The following LPP variants were observed in gnomAD, a reference collection of about 807,000 sequenced individuals.
LPP encodes LIM domain containing preferred translocation partner in lipoma, also known as lipoma-preferred partner.
In LPP, 38 loss-of-function variants were observed where a neutral mutation model predicts 60.4. The observed-to-expected ratio is 0.63, with a 90% CI of 0.49 to 0.83. The LOEUF (loss-of-function observed/expected upper bound fraction) is 0.83, where lower values mean the gene tolerates loss of function less well. Among genes scored for constraint, LPP ranks in the 40% least tolerant of loss-of-function variants. The pLI, the probability that LPP is intolerant of heterozygous loss-of-function variation, is 0.00. For synonymous variants in LPP, 328 were observed against 290.8 expected, an observed-to-expected ratio of 1.13 and a Z score of -1.30; for missense variants, 902 against 783.6, an observed-to-expected ratio of 1.15 and a Z score of -1.80.
intron 1 of LPP, among the ~76,000 whole-genome samples, chr3:188,171,773 A>G (rs1429672848): frequency 1.3e-5 from 2 of 152,202 alleles, no homozygotes; most frequent in African/African-American, 4.8e-5. Context: ...GCAATGCACT[A>G]CTAGGTTCTC....
intron 4 of LPP, among the ~76,000 whole-genome samples, chr3:188,420,644 T>A (rs1176084906): frequency 1.3e-5 from 2 of 152,142 alleles, no homozygotes; most frequent in South Asian, 2.1e-4. Context: ...CACAACACCA[T>A]CAGACCCTCG....
At chr3:188,666,210 T>G (rs188242673) in intron 7 of LPP, among the ~76,000 whole-genome samples, 48 of 152,348 alleles carry the variant, frequency 3.2e-4, no homozygotes, top group African/African-American at 1.2e-3. Context: ...TTTTACAAAT[T>G]AACAAGCAAA....
At chr3:188,823,839 G>A (rs1041139837) in intron 9 of LPP, among the ~76,000 whole-genome samples, 76 of 152,018 alleles carry the variant, frequency 5.0e-4, no homozygotes, top group African/African-American at 1.8e-3. Flanking sequence ...TGCCAATTCT[G>A]TTGTTAGTCA....
intron 4 of LPP, among the ~76,000 whole-genome samples, chr3:188,484,250 C>A (rs960719316): frequency 6.6e-6 from 1 of 151,990 alleles, no homozygotes; most frequent in Non-Finnish European, 1.5e-5. Context: ...ATTTTTCTTC[C>A]TCCTCTATTT....
At chr3:188,815,603 A>C (rs987549648) in intron 9 of LPP, among the ~76,000 whole-genome samples, 2 of 152,024 alleles carry the variant, frequency 1.3e-5, no homozygotes, top group Non-Finnish European at 2.9e-5. Context: ...GAACTCCACA[A>C]TGGATTTGTT....
intron 1 of LPP, among the ~76,000 whole-genome samples, chr3:188,219,737 G>A (rs970371869): frequency 1.1e-4 from 16 of 152,278 alleles, no homozygotes; most frequent in African/African-American, 3.9e-4. Context: ...GGTCCTTGAT[G>A]CTCCTGCTTA....
At chr3:188,170,149 T>A (rs530880982) in intron 1 of LPP, among the ~76,000 whole-genome samples, 42 of 152,306 alleles carry the variant, frequency 2.8e-4, no homozygotes, top group African/African-American at 1.0e-3. Context: ...GGCAATGAAT[T>A]TTTTGGCGCA....
chr3:188,455,967 A>C lies in LPP; in HGVS notation c.194-28625A>C, dbSNP rs976851806. On this transcript the variant is annotated intron_variant, in intron 4 of 11. Coordinates refer to ENST00000617246, the MANE Select transcript of LPP (RefSeq NM_001375462.1). ...GAGTGCACTAGTGCAGTCATAGCTTACTGCACGCTCAAACTCCTGATCTTA... is the reference window on the plus strand; with the variant it reads ...GAGTGCACTAGTGCAGTCATAGCTTCCTGCACGCTCAAACTCCTGATCTTA... Among the ~76,000 whole-genome samples, 3 of 152,210 alleles carry C rather than the reference A, an allele frequency of 2.0e-5. No homozygotes were observed. The East Asian group carries it at 5.8e-4, about 29-fold the overall frequency.
At chr3:188,164,354 G>T (rs749170026) in intron 1 of LPP, among the ~76,000 whole-genome samples, 1 of 152,164 alleles carries the variant, frequency 6.6e-6, no homozygotes, top group South Asian at 2.1e-4. Flanking sequence ...AGCTGTAACC[G>T]TGGAAGCCTA....
intron 4 of LPP, among the ~76,000 whole-genome samples, chr3:188,448,351 G>A (rs183653954): frequency 0.15 from 1,081 of 7,410 alleles, 34 homozygotes; most frequent in Admixed American, 0.39. Context: ...TCGTGCAAAA[G>A]CTAACACATA....
chr3:188,811,893 A>G (rs912362779), intron 9 of LPP, among the ~76,000 whole-genome samples: 1 of 152,172 alleles, frequency 6.6e-6, no homozygotes, highest in African/African-American at 2.4e-5. Context: ...GGTACATAAG[A>G]TGTTTTGATA....
At chr3:188,161,328 G>A (rs951554630) in intron 1 of LPP, among the ~76,000 whole-genome samples, 1 of 152,300 alleles carries the variant, frequency 6.6e-6, no homozygotes, top group East Asian at 1.9e-4. Flanking sequence ...GGCCTGTATC[G>A]GGTCAGCAGC....
At chr3:188,347,591 C>T (rs141751441) in intron 3 of LPP, among the ~76,000 whole-genome samples, 6 of 152,218 alleles carry the variant, frequency 3.9e-5, no homozygotes, top group South Asian at 4.2e-4. Context: ...CCCCTCCTCC[C>T]GGCCTACCCC....
chr3:188,162,322 AGAGT>A (rs1258497178), intron 1 of LPP, among the ~76,000 whole-genome samples: 3 of 152,362 alleles, frequency 2.0e-5, no homozygotes, highest in Middle Eastern at 3.4e-3. Context: ...CTTAAGTGGC[AGAGT>A]GAGAATCAAA....
At chr3:188,734,869 G>T (rs573802969) in intron 8 of LPP, among the ~76,000 whole-genome samples, 6 of 152,306 alleles carry the variant, frequency 3.9e-5, no homozygotes, top group East Asian at 1.9e-4. Flanking sequence ...ATGGTCAAGA[G>T]CCTGAGGGTA....
At chr3:188,628,755 C>T (rs865892196) in intron 7 of LPP, among the ~76,000 whole-genome samples, 4 of 152,042 alleles carry the variant, frequency 2.6e-5, no homozygotes, top group Non-Finnish European at 5.9e-5. Flanking sequence ...CATTCTATAA[C>T]GCCAGCATCA....
At chr3:188,209,104 A>G (rs1734037487) in intron 1 of LPP, among the ~76,000 whole-genome samples, 2 of 152,204 alleles carry the variant, frequency 1.3e-5, no homozygotes. Flanking sequence ...CCAGAGTTAA[A>G]ACAGTTAGTA....
chr3:188,809,082 T>C (rs1750073586), intron 9 of LPP, among the ~76,000 whole-genome samples: 1 of 152,226 alleles, frequency 6.6e-6, no homozygotes, highest in Non-Finnish European at 1.5e-5. Flanking sequence ...CAGTCTATTA[T>C]TGATGGACAT....
intron 2 of LPP, among the ~76,000 whole-genome samples, chr3:188,253,331 C>T (rs989067174): frequency 1.2e-4 from 18 of 152,272 alleles, no homozygotes; most frequent in African/African-American, 4.3e-4. Context: ...CATTTCTTAA[C>T]ACCCGTGTTA....
Sources: gnomAD v4.1 joint callset for allele counts (sites outside exome capture counted in the v4.1 genomes callset) on GRCh38, gnomAD v4.1.1 for gene constraint, MANE v1.5 for transcripts, NCBI Gene and HGNC (gene_info 2026-07-23, HGNC 2026-07-21) for gene names.